The following FAM3D variants were observed in gnomAD, a reference collection of about 807,000 sequenced individuals.
The protein encoded by FAM3D is protein FAM3D.
A neutral mutation model predicts 29.8 loss-of-function variants in FAM3D; 26 were observed. The observed-to-expected ratio is 0.87, with a 90% CI of 0.64 to 1.21. The LOEUF is 1.21. FAM3D is among the 50% of genes most tolerant of loss of function. The probability of loss-of-function intolerance (pLI) is 0.00; values close to 1 mark genes in which losing one functional copy is unlikely to be tolerated. For synonymous variants in FAM3D, 115 were observed against 102.3 expected (o/e 1.12, Z -0.75); for missense variants, 253 against 290.9 (o/e 0.87, Z 0.95).
intron 4 of FAM3D, among the ~76,000 whole-genome samples, chr3:58,647,512 C>T (rs1181739664): frequency 1.3e-5 from 2 of 152,248 alleles, no homozygotes; most frequent in African/African-American, 4.8e-5. Flanking sequence ...AGATCATTCC[C>T]AGCCCTGGGG....
intron 3 of FAM3D, 167 bp from the exon 4 acceptor site, chr3:58,649,505 C>T (rs1400795123): frequency 5.8e-6 from 4 of 687,942 alleles, no homozygotes; most frequent in Non-Finnish European, 1.0e-5. Flanking sequence ...CACATACATA[C>T]ACACACAGCA....
chr3:58,646,178 C>G (rs1345163865), intron 4 of FAM3D, among the ~76,000 whole-genome samples: 1 of 152,242 alleles, frequency 6.6e-6, no homozygotes, highest in Admixed American at 6.5e-5. Context: ...GCTCAGTACA[C>G]ATTGGCTATT....
Position 58,645,616 on chromosome 3 carries a change from C to T in FAM3D, c.156G>A (p.Lys52=), listed in dbSNP as rs370131941. The T allele has an allele frequency of 2.2e-5, 35 of 1,614,092 alleles. No homozygotes were observed. Among genetic ancestry groups the T allele is most frequent in the Non-Finnish European group, 3.0e-5 (35 of 1,179,994 alleles). ...AGGGCTTGATGAGGCCACACTTGTACTTTTTAACCTCTGGGGAGGAAAGAG... is the reference window on the plus strand; with the variant it reads ...AGGGCTTGATGAGGCCACACTTGTATTTTTTAACCTCTGGGGAGGAAAGAG... ...ASPTKEIQVK[K]YKCGLIKPCP... is the part of the protein sequence containing the mutation. The change falls in exon 5 of 10, where the codon AAG becomes AAA. Residue 52 remains lysine, a synonymous_variant. Transcript: ENST00000358781.
rs1304074878 is a variant in FAM3D at position 58,635,350 on chromosome 3, C to T, written c.585+944G>A. On this transcript the variant is annotated intron_variant, in intron 9 of 9. Transcript: ENST00000358781. The surrounding 1 kb of genome is among the most constrained non-coding windows in gnomAD (Gnocchi z 5.2). ...AAAAGAGATTCTAGATGCTACCTGC[C>T]TAAAACCCAGTTTCCCAAGTGTGAG... 6.6e-6 allele frequency among the ~76,000 whole-genome samples: 1 copy of T among 152,204 alleles called. No homozygotes were observed. Among genetic ancestry groups the T allele is most frequent in the East Asian group, 1.9e-4 (1 of 5,192 alleles).
rs994898376 is a variant in FAM3D, at chr3:58,639,605, C to G, written c.373+522G>C. Among the ~76,000 whole-genome samples the G allele has an allele frequency of 2.0e-4, 30 of 152,178 alleles. 1 individual carries two copies. The highest frequency in any genetic ancestry group is 1.8e-3 in the Admixed American group (28 of 15,290). On this transcript the variant is annotated intron_variant, in intron 7 of 9. Transcript: ENST00000358781. ...CATGTGGGCACTTCAGTGGGCCCATCCAGGCTCCATCCACAGCACCCTCCC... is the reference window on the plus strand; with the variant it reads ...CATGTGGGCACTTCAGTGGGCCCATGCAGGCTCCATCCACAGCACCCTCCC...
chr3:58,665,568 A>C (rs1159312380), intron 1 of FAM3D, among the ~76,000 whole-genome samples: 1 of 152,178 alleles, frequency 6.6e-6, no homozygotes, highest in East Asian at 1.9e-4. Flanking sequence ...ACCTGACCCA[A>C]TTAATGCTCA....
chr3:58,664,950 G>C (rs141199140), intron 1 of FAM3D, among the ~76,000 whole-genome samples: 1 of 152,170 alleles, frequency 6.6e-6, no homozygotes, highest in Non-Finnish European at 1.5e-5. Context: ...CTCCTCCAAG[G>C]GGGAGCAGCT....
intron 9 of FAM3D, 97 bp downstream of exon 9, chr3:58,636,197 T>C: frequency 6.7e-7 from 1 of 1,502,828 alleles, no homozygotes; most frequent in Non-Finnish European, 8.9e-7. Flanking sequence ...ATCCTCCCAA[T>C]TTTAAGGCCC....
chr3:58,647,639 TCA>T (rs966688204), intron 4 of FAM3D, among the ~76,000 whole-genome samples: 1 of 152,212 alleles, frequency 6.6e-6, no homozygotes, highest in African/African-American at 2.4e-5. Context: ...CATCCAGCCT[TCA>T]CAGTCACGCT....
intron 8 of FAM3D, among the ~76,000 whole-genome samples, chr3:58,636,796 G>C (rs989180942): frequency 1.3e-5 from 2 of 151,974 alleles, no homozygotes; most frequent in Non-Finnish European, 2.9e-5. Context: ...CTTAGCACTA[G>C]AGGGTGAGCG....
At chr3:58,647,003 G>T (rs1467015918) in intron 4 of FAM3D, among the ~76,000 whole-genome samples, 1 of 152,186 alleles carries the variant, frequency 6.6e-6, no homozygotes, top group Non-Finnish European at 1.5e-5. Flanking sequence ...ACCCACTGGT[G>T]CCAGGCTTGG....
At chr3:58,653,041 G>T (rs1197793027) in intron 3 of FAM3D, among the ~76,000 whole-genome samples, 1 of 151,950 alleles carries the variant, frequency 6.6e-6, no homozygotes, top group Admixed American at 6.6e-5. Context: ...CACTAGAGAG[G>T]TGGATGCACA....
rs33966924 is a variant in FAM3D at position 58,640,148 on chromosome 3, C to A, written c.352G>T (p.Ala118Ser). The A allele has an allele frequency of 0.16, 252,973 of 1,613,766 alleles. 21,422 individuals are homozygous for A. The highest frequency in any genetic ancestry group is 0.17 in the Non-Finnish European group (206,355 of 1,179,754). ...CTACCTCCAGAGTACATGTCAAATGCCTTCTGTCCCAGCACAGCTCCCGTG... is the reference window on the plus strand; with the variant it reads ...CTACCTCCAGAGTACATGTCAAATGACTTCTGTCCCAGCACAGCTCCCGTG... Reference protein sequence around the residue: ...GTTGAVLGQKAFDMYSGDVMH... With the variant: ...GTTGAVLGQKSFDMYSGDVMH... The change falls in exon 7 of 10, where the codon GCA (alanine) becomes TCA (serine). Residue 118 changes from alanine to serine, a missense_variant. Coordinates refer to ENST00000358781, the MANE Select transcript of FAM3D (RefSeq NM_138805.3).
intron 1 of FAM3D, among the ~76,000 whole-genome samples, chr3:58,661,674 A>G (rs1237038747): frequency 1.3e-5 from 2 of 152,156 alleles, no homozygotes; most frequent in Non-Finnish European, 2.9e-5. Flanking sequence ...GAGCGTGGAC[A>G]CAGTCCTCTC....
rs2066095467 is a variant in FAM3D at position 58,634,210 on chromosome 3, C to A, written c.*69G>T. The A allele has an allele frequency of 4.1e-6, 6 of 1,456,104 alleles. No individual in the cohort carries two copies. The East Asian group carries it at 1.4e-4, about 33-fold the overall frequency. 90.2% of individuals were successfully genotyped at this position (1,456,104 alleles called of 1,614,324 possible). On this transcript the variant is annotated 3_prime_UTR_variant, in exon 10 of 10. Coordinates refer to ENST00000358781, the MANE Select transcript of FAM3D (RefSeq NM_138805.3). This position sits in a 1 kb window ranked among gnomAD's most constrained non-coding sequence, Gnocchi z 4.6. ...CCCTGCTCCTCCTCCTCAGCCCCTG[C>A]CGGGCTCTGACTCCTAAGTCAGGCA...
At position 58,635,437 on chromosome 3, in the gene FAM3D, C is replaced by T. The variant is rs551699056; in HGVS notation, c.585+857G>A. On this transcript the variant is annotated intron_variant, in intron 9 of 9. Transcript: ENST00000358781. This position sits in a 1 kb window ranked among gnomAD's most constrained non-coding sequence, Gnocchi z 5.2. ...TTGGTTCATTTTTGTGTGTCGGTCC[C>T]GGCCAGCTGGTTGCAGATGGATGAA... Among the ~76,000 whole-genome samples, 6 of 152,296 alleles carry T rather than the reference C, an allele frequency of 3.9e-5. No individual in the cohort carries two copies. The highest frequency in any genetic ancestry group is 4.8e-5 in the African/African-American group (2 of 41,552).
intron 4 of FAM3D, among the ~76,000 whole-genome samples, chr3:58,648,118 T>G (rs1468262671): frequency 6.6e-6 from 1 of 152,184 alleles, no homozygotes; most frequent in East Asian, 1.9e-4. Context: ...TGCTTGAATT[T>G]GCTATCCCCC....
In FAM3D at chr3:58,635,772, C is replaced by G. The variant is rs367769673; in HGVS notation, c.585+522G>C. Among the ~76,000 whole-genome samples the G allele has an allele frequency of 3.3e-5, 5 of 152,366 alleles. No individual in the cohort carries two copies. The highest frequency in any genetic ancestry group is 9.6e-5 in the African/African-American group (4 of 41,584). On this transcript the variant is annotated intron_variant, in intron 9 of 9. Coordinates refer to ENST00000358781, the MANE Select transcript of FAM3D (RefSeq NM_138805.3). The surrounding 1 kb of genome is among the most constrained non-coding windows in gnomAD (Gnocchi z 5.2). Reference sequence around the variant, plus strand: ...TAGCTTAGGAAAGAAATCCTCCCATCCCAGTCCTGGTGCCCTTCCTAGAGC... The same window carrying G: ...TAGCTTAGGAAAGAAATCCTCCCATGCCAGTCCTGGTGCCCTTCCTAGAGC...
chr3:58,637,210 A>G lies in FAM3D; in HGVS notation c.389T>C (p.Val130Ala), dbSNP rs777072200. Reference sequence around the variant, plus strand: ...CCCCGGAATTTCTTTAAGGAATTTCACTAGGTGCATAACATCTGGGGGAGG... The same window carrying G: ...CCCCGGAATTTCTTTAAGGAATTTCGCTAGGTGCATAACATCTGGGGGAGG... Reference protein sequence around the residue: ...DMYSGDVMHLVKFLKEIPGGA... With the variant: ...DMYSGDVMHLAKFLKEIPGGA... The change falls in exon 8 of 10, where the codon GTG becomes GCG. Residue 130 changes from valine (V) to alanine (A), a missense_variant. Val to Ala is a moderately conservative substitution (Grantham distance 64, BLOSUM62 0). Transcript: ENST00000358781. The G allele has an allele frequency of 6.2e-7, 1 of 1,613,446 alleles. No individual in the cohort carries two copies. The highest frequency in any genetic ancestry group is 1.7e-5 in the Admixed American group (1 of 59,932).
Sources: allele counts gnomAD v4.1 joint callset (sites outside exome capture counted in the v4.1 genomes callset), GRCh38; gene constraint gnomAD v4.1.1; non-coding constraint Gnocchi (gnomAD v3.1); transcripts MANE v1.5; gene names NCBI Gene and HGNC (gene_info 2026-07-23, HGNC 2026-07-21).